The following ARHGEF4 variants were observed in gnomAD, a reference collection of about 807,000 sequenced individuals.
The protein encoded by ARHGEF4 is Rho guanine nucleotide exchange factor 4, also known as APC-stimulated guanine nucleotide exchange factor 1.
ARHGEF4 carries 119 observed loss-of-function variants against 162.0 expected under a neutral mutation model. The ratio of observed to expected loss-of-function variants is 0.73; its 90% confidence interval spans 0.63 to 0.86. The LOEUF is 0.86. Ranked by LOEUF, ARHGEF4 falls within the 40% of genes least tolerant of loss-of-function variation. The pLI, the probability that ARHGEF4 is intolerant of heterozygous loss-of-function variation, is 0.00. For synonymous variants in ARHGEF4, 1,014 were observed against 979.9 expected (o/e 1.03, Z -0.65); for missense variants, 2,488 against 2,456.0 (o/e 1.01, Z -0.28).
chr2:131,040,499 C>T lies in ARHGEF4; in HGVS notation c.4662+59C>T, dbSNP rs1380781312. 8 of 1,474,114 alleles carry T rather than the reference C, an allele frequency of 5.4e-6. No homozygotes were observed. In the African/African-American group the frequency reaches 8.5e-5, roughly 16 times the overall value. 91.3% of individuals were successfully genotyped at this position (1,474,114 alleles called of 1,614,324 possible). A position where few individuals can be genotyped will look rare whatever the true frequency, so the allele number is the denominator to read the frequency against. On this transcript the variant is annotated intron_variant, in intron 8 of 13. Coordinates refer to ENST00000409359, the MANE Select transcript of ARHGEF4 (RefSeq NM_001367493.1). ...CTGCGTTCACAGAGGCTGCCGCGGG[C>T]GCCAGCGCGGACAGCGGGTGGCTGG...
chr2:130,935,400 A>G (rs1424643232), intron 3 of ARHGEF4, among the ~76,000 whole-genome samples: 2 of 152,084 alleles, frequency 1.3e-5, no homozygotes, highest in African/African-American at 4.8e-5. Flanking sequence ...ATTTTCTTCC[A>G]TCTATTAGCT....
chr2:131,034,923 T>TTGCCAGGGC, intron 5 of ARHGEF4: 2 of 949,534 alleles, frequency 2.1e-6, no homozygotes, highest in Non-Finnish European at 2.5e-6. Flanking sequence ...GTTGCCAGGG[T>TTGCCAGGGC]TGCCAGGGCT....
intron 1 of ARHGEF4, among the ~76,000 whole-genome samples, chr2:130,889,608 C>T (rs529590664): frequency 1.8e-4 from 27 of 151,582 alleles, no homozygotes; most frequent in Middle Eastern, 3.4e-3. Flanking sequence ...GTTGTGAGTT[C>T]GAGACCAGCC....
Position 131,041,474 on chromosome 2 carries a change from C to T in ARHGEF4, c.4895+12C>T, listed in dbSNP as rs891700955. 6.2e-7 allele frequency: 1 copy of T among 1,607,126 alleles called. No homozygotes were observed. The highest frequency in any genetic ancestry group is 1.1e-5 in the South Asian group (1 of 90,318). On this transcript the variant is annotated intron_variant, in intron 9 of 13. Coordinates refer to ENST00000409359, the MANE Select transcript of ARHGEF4 (RefSeq NM_001367493.1). ...CACCCCCAGCACAGGTAGGAGGGCA[C>T]TGAGGCAGGGAGGCAGCCCACGCCT...
At position 130,940,395 on chromosome 2, in the gene ARHGEF4, G is replaced by A. The variant is rs115704443; in HGVS notation, c.3859-6114G>A. Among the ~76,000 whole-genome samples, 344 of 151,876 alleles carry A rather than the reference G, an allele frequency of 2.3e-3. 4 individuals are homozygous for A. Among genetic ancestry groups the A allele is most frequent in the African/African-American group, 7.8e-3 (324 of 41,438 alleles). ...ACTGCAACCTCTGCCTCCCAGGTTC[G>A]CGACATTCTCCTGCCTCAGCCTCCC... On this transcript the variant is annotated intron_variant, in intron 3 of 13. Coordinates refer to ENST00000409359, the MANE Select transcript of ARHGEF4 (RefSeq NM_001367493.1).
chr2:130,892,988 CA>C (rs1679946502), intron 1 of ARHGEF4, among the ~76,000 whole-genome samples: 1 of 152,238 alleles, frequency 6.6e-6, no homozygotes, highest in South Asian at 2.1e-4. Flanking sequence ...GTTTACGGGA[CA>C]GTGGCATCCT....
At chr2:131,035,632 G>A in intron 5 of ARHGEF4, 3 of 991,320 alleles carry the variant, frequency 3.0e-6, no homozygotes, top group Non-Finnish European at 3.6e-6. Context: ...ATCTGTGTAG[G>A]TTGAGTCAGG....
chr2:130,994,226 G>A (rs1687235619), intron 4 of ARHGEF4, among the ~76,000 whole-genome samples: 1 of 152,132 alleles, frequency 6.6e-6, no homozygotes, highest in Non-Finnish European at 1.5e-5. Context: ...ATATATTTGG[G>A]TTTAAATCTT....
intron 4 of ARHGEF4, among the ~76,000 whole-genome samples, chr2:130,990,787 C>T (rs1406529078): frequency 6.6e-6 from 1 of 152,104 alleles, no homozygotes; most frequent in Non-Finnish European, 1.5e-5. Flanking sequence ...TGAGACCCTC[C>T]GAGAACTCAG....
intron 1 of ARHGEF4, among the ~76,000 whole-genome samples, chr2:130,892,450 C>A (rs13407188): frequency 1.3e-5 from 2 of 152,160 alleles, no homozygotes; most frequent in Non-Finnish European, 2.9e-5. Flanking sequence ...TAGATTGTGA[C>A]CTGCGCTTCT....
Position 131,044,614 on chromosome 2 carries a change from C to T in ARHGEF4, c.5401+72C>T, listed in dbSNP as rs1013028760. 24 of 1,509,970 alleles carry T rather than the reference C, an allele frequency of 1.6e-5. No individual in the cohort carries two copies. The East Asian group carries it at 2.2e-4, about 14-fold the overall frequency. The allele number at this position is 1,509,970 out of a possible 1,614,324, so 93.5% of individuals were successfully genotyped here. On this transcript the variant is annotated intron_variant, in intron 12 of 13. Transcript: ENST00000409359. ...CGCTCCCGCCTGCCTGGCCGCCTGC[C>T]GGTCAGGAGAGCGCCGCTCAGCCCT...
intron 1 of ARHGEF4, among the ~76,000 whole-genome samples, chr2:130,864,920 T>G (rs182282808): frequency 3.3e-4 from 51 of 152,362 alleles, no homozygotes; most frequent in African/African-American, 1.2e-3. Context: ...GGCAGCTGTC[T>G]GAAGCACCTT....
chr2:130,912,374 C>T (rs1262414409), intron 1 of ARHGEF4, among the ~76,000 whole-genome samples: 1 of 152,194 alleles, frequency 6.6e-6, no homozygotes, highest in East Asian at 1.9e-4. Flanking sequence ...CCCTCCTTCC[C>T]AAATGGTTTG....
At chr2:130,852,686 G>A (rs1251245890) in intron 1 of ARHGEF4, among the ~76,000 whole-genome samples, 3 of 152,218 alleles carry the variant, frequency 2.0e-5, no homozygotes, top group African/African-American at 7.2e-5. Context: ...CGCAGGATGG[G>A]AGAGAGATCT....
At position 130,916,155 on chromosome 2, in the gene ARHGEF4, C is replaced by A. The variant is rs948723853; in HGVS notation, c.2209C>A (p.Leu737Met). The change falls in exon 2 of 14, where the codon CTG (leucine) becomes ATG (methionine). Residue 737 changes from leucine to methionine, a missense_variant. Leu to Met is a conservative substitution (Grantham distance 15). Transcript: ENST00000409359. ...CACAGAGGAGCCCCCGGGAGAGAGA[C>A]TGCGTGGGGAGAGCCGGAGCTCCGG... is the stretch of plus-strand genomic sequence containing the variant. Reference protein sequence around the residue: ...PSTEEPPGERLRGESRSSGSG... With the variant: ...PSTEEPPGERMRGESRSSGSG... 7.5e-5 allele frequency: 116 copies of A among 1,548,934 alleles called. No individual in the cohort carries two copies. Among genetic ancestry groups the A allele is most frequent in the Admixed American group, 9.8e-5 (5 of 50,968 alleles).
intron 8 of ARHGEF4, 44 bp from the exon 9 acceptor site, chr2:131,041,186 G>A (rs1553446413): frequency 8.9e-6 from 14 of 1,564,248 alleles, no homozygotes; most frequent in Non-Finnish European, 1.2e-5. Flanking sequence ...GATTGCCTGT[G>A]GGAGCAGCAG....
At chr2:130,920,888 G>C (rs1275117013) in intron 2 of ARHGEF4, among the ~76,000 whole-genome samples, 1 of 152,162 alleles carries the variant, frequency 6.6e-6, no homozygotes, top group African/African-American at 2.4e-5. Context: ...TCAAAGTCAA[G>C]AAATAGAGAA....
At chr2:131,035,043 C>A in intron 5 of ARHGEF4, 1 of 994,362 alleles carries the variant, frequency 1.0e-6, no homozygotes, top group Non-Finnish European at 1.2e-6. Flanking sequence ...ACCGGCTCGG[C>A]CCTGTGCGGC....
chr2:130,842,365 T>C (rs1181870179), intron 1 of ARHGEF4, among the ~76,000 whole-genome samples: 2 of 152,158 alleles, frequency 1.3e-5, no homozygotes, highest in African/African-American at 2.4e-5. Context: ...AGTCTGCAGA[T>C]TGGTGGAGTC....
Sources: gnomAD v4.1 joint callset for allele counts (sites outside exome capture counted in the v4.1 genomes callset) on GRCh38, gnomAD v4.1.1 for gene constraint, MANE v1.5 for transcripts, NCBI Gene and HGNC (gene_info 2026-07-23, HGNC 2026-07-21) for gene names.